SYNPO2: variants seen among roughly 807,000 people sequenced by gnomAD.
SYNPO2 encodes synaptopodin 2.
SYNPO2 carries 56 observed loss-of-function variants against 85.0 expected under a neutral mutation model. The observed-to-expected ratio is 0.66, with a 90% CI of 0.53 to 0.82. The LOEUF (loss-of-function observed/expected upper bound fraction) is 0.82. Ranked by LOEUF, SYNPO2 falls within the 40% of genes least tolerant of loss-of-function variation. The probability of loss-of-function intolerance (pLI) is 0.00; values close to 1 mark genes in which losing one functional copy is unlikely to be tolerated. For synonymous variants in SYNPO2, 602 were observed against 591.1 expected (o/e 1.02, Z -0.27); for missense variants, 1,575 against 1,534.2 (o/e 1.03, Z -0.44).
chr4:118,866,845 G>A (rs1159261977), intron 1 of SYNPO2, among the ~76,000 whole-genome samples: 1 of 152,172 alleles, frequency 6.6e-6, no homozygotes, highest in Non-Finnish European at 1.5e-5. Context: ...ATGTGGAACT[G>A]TAAGCCTATT....
intron 1 of SYNPO2, among the ~76,000 whole-genome samples, chr4:118,889,908 T>C (rs1408010621): frequency 6.6e-6 from 1 of 152,248 alleles, no homozygotes; most frequent in African/African-American, 2.4e-5. Context: ...TATTCTCTAA[T>C]TGGCATTCAG....
chr4:118,934,448 A>T (rs912418313), intron 1 of SYNPO2, among the ~76,000 whole-genome samples: 2 of 152,192 alleles, frequency 1.3e-5, no homozygotes, highest in South Asian at 2.1e-4. Flanking sequence ...ATGGGAAGAA[A>T]GCATATTAGT....
At chr4:118,900,221 T>G (rs1194794787) in intron 1 of SYNPO2, among the ~76,000 whole-genome samples, 1 of 152,232 alleles carries the variant, frequency 6.6e-6, no homozygotes, top group Admixed American at 6.5e-5. Flanking sequence ...TTTCATTTCT[T>G]TTTGAAAATT....
intron 1 of SYNPO2, among the ~76,000 whole-genome samples, chr4:118,909,670 A>T (rs1733066816): frequency 6.6e-6 from 1 of 152,218 alleles, no homozygotes. Flanking sequence ...GGAGCAGAAG[A>T]TGTCAGTGAA....
chr4:118,879,850 C>T (rs1416105160), intron 1 of SYNPO2, among the ~76,000 whole-genome samples: 4 of 151,744 alleles, frequency 2.6e-5, no homozygotes, highest in Non-Finnish European at 4.4e-5. Flanking sequence ...GGCAGCCCTG[C>T]CCTTGATGTC....
chr4:119,031,939 C>T lies in SYNPO2; in HGVS notation c.3164C>T (p.Thr1055Ile), dbSNP rs368866018. Residue 1055 changes from threonine (T) to isoleucine (I), a missense_variant, in exon 4 of 5, where the codon ACC becomes ATC. Coordinates refer to ENST00000307142, the MANE Select transcript of SYNPO2 (RefSeq NM_133477.3). ...TCCCCAGTGCCTGTGGGCATTCCCA[C>T]CTCGCCAAAGCAAGAATCAGCCTCA... ...SASPVPVGIPTSPKQESASSS... is the reference protein window; with the variant it reads ...SASPVPVGIPISPKQESASSS... The T allele has an allele frequency of 1.9e-6, 3 of 1,614,124 alleles. No homozygotes were observed. Among genetic ancestry groups the T allele is most frequent in the Non-Finnish European group, 2.5e-6 (3 of 1,180,054 alleles).
chr4:118,891,070 G>A (rs10010674), intron 1 of SYNPO2, among the ~76,000 whole-genome samples: 2 of 151,922 alleles, frequency 1.3e-5, no homozygotes, highest in Non-Finnish European at 2.9e-5. Context: ...TGCTAGGAAA[G>A]GGTGCTGTGG....
At chr4:118,948,543 C>T (rs994613332) in intron 1 of SYNPO2, among the ~76,000 whole-genome samples, 2 of 152,140 alleles carry the variant, frequency 1.3e-5, no homozygotes, top group Non-Finnish European at 2.9e-5. Flanking sequence ...TTATTTGGCT[C>T]ACAGTTCTGC....
intron 1 of SYNPO2, among the ~76,000 whole-genome samples, chr4:118,882,158 T>A (rs923565566): frequency 6.6e-6 from 1 of 152,210 alleles, no homozygotes; most frequent in Admixed American, 6.5e-5. Context: ...TTGTTGTCGG[T>A]CACTTTTTAT....
intron 1 of SYNPO2, among the ~76,000 whole-genome samples, chr4:118,863,306 G>T (rs1731644591): frequency 6.6e-6 from 1 of 152,104 alleles, no homozygotes; most frequent in Non-Finnish European, 1.5e-5. Flanking sequence ...TTTGCTGGAG[G>T]ACTTTTTATT....
At chr4:118,924,853 T>C (rs1733660984) in intron 1 of SYNPO2, among the ~76,000 whole-genome samples, 1 of 152,216 alleles carries the variant, frequency 6.6e-6, no homozygotes, top group Non-Finnish European at 1.5e-5. Context: ...TAATTCTATT[T>C]CTGTCAGTCT....
At chr4:118,921,322 T>A (rs1733524688) in intron 1 of SYNPO2, among the ~76,000 whole-genome samples, 1 of 152,178 alleles carries the variant, frequency 6.6e-6, no homozygotes, top group South Asian at 2.1e-4. Flanking sequence ...TTCTCATAAG[T>A]ACTACTACCA....
intron 2 of SYNPO2, among the ~76,000 whole-genome samples, chr4:119,024,000 G>A (rs1405468855): frequency 1.3e-5 from 2 of 152,114 alleles, no homozygotes; most frequent in Non-Finnish European, 2.9e-5. Context: ...TCATTAAAAG[G>A]ATGCTTAAGA....
chr4:118,996,242 T>G (rs1241496717), intron 1 of SYNPO2, among the ~76,000 whole-genome samples: 1 of 152,164 alleles, frequency 6.6e-6, no homozygotes, highest in African/African-American at 2.4e-5. Flanking sequence ...TCCTCCCCTT[T>G]CTGGTTGCAG....
At chr4:118,871,773 G>T (rs1731806896) in intron 1 of SYNPO2, among the ~76,000 whole-genome samples, 1 of 152,082 alleles carries the variant, frequency 6.6e-6, no homozygotes, top group African/African-American at 2.4e-5. Flanking sequence ...GTTTCACATT[G>T]TTAGCCAGGA....
intron 1 of SYNPO2, among the ~76,000 whole-genome samples, chr4:118,978,948 T>C (rs947465463): frequency 2.0e-5 from 3 of 152,190 alleles, no homozygotes; most frequent in Non-Finnish European, 2.9e-5. Flanking sequence ...TCAATAACAC[T>C]GGCCCGCACA....
chr4:118,981,636 G>T (rs557837595), intron 1 of SYNPO2, among the ~76,000 whole-genome samples: 1 of 152,216 alleles, frequency 6.6e-6, no homozygotes, highest in Non-Finnish European at 1.5e-5. Flanking sequence ...GAGGAGCTGA[G>T]GATTGGCCCC....
intron 1 of SYNPO2, among the ~76,000 whole-genome samples, chr4:118,851,162 TC>T (rs1731414162): frequency 6.6e-6 from 1 of 152,184 alleles, no homozygotes; most frequent in Non-Finnish European, 1.5e-5. Context: ...TCACGATCTT[TC>T]TTCCTCACAT....
At chr4:118,895,671 C>G (rs969229200) in intron 1 of SYNPO2, among the ~76,000 whole-genome samples, 1 of 152,168 alleles carries the variant, frequency 6.6e-6, no homozygotes, top group Non-Finnish European at 1.5e-5. Context: ...CAAGATGGTT[C>G]AAATCTAGCC....
Sources: gnomAD v4.1 joint callset for allele counts (sites outside exome capture counted in the v4.1 genomes callset) on GRCh38, gnomAD v4.1.1 for gene constraint, MANE v1.5 for transcripts, NCBI Gene and HGNC (gene_info 2026-07-23, HGNC 2026-07-21) for gene names.